The following ZFHX3 variants were observed in gnomAD, a reference collection of about 807,000 sequenced individuals.
The protein encoded by ZFHX3 is zinc finger homeobox protein 3.
A neutral mutation model predicts 279.1 loss-of-function variants in ZFHX3; 42 were observed. The ratio of observed to expected loss-of-function variants is 0.15; its 90% CI spans 0.12 to 0.19. The LOEUF is 0.19. Ranked by LOEUF, ZFHX3 falls within the 10% of genes least tolerant of loss-of-function variation. The pLI is 1.00. For missense variants in ZFHX3, 4,981 were observed against 4,754.0 expected (o/e 1.05, Z -1.40); for synonymous variants, 2,293 against 1,957.8 (o/e 1.17, Z -4.52).
At chr16:73,880,202 C>CA (rs545868290) in intron 1 of ZFHX3, among the ~76,000 whole-genome samples, 37 of 152,108 alleles carry the variant, frequency 2.4e-4, no homozygotes, top group African/African-American at 8.4e-4. Context: ...AGATTTGCCC[C>CA]AAAAAGCAAG....
chr16:73,782,570 T>C (rs1959509466), intron 1 of ZFHX3, among the ~76,000 whole-genome samples: 2 of 152,116 alleles, frequency 1.3e-5, no homozygotes, highest in Non-Finnish European at 1.5e-5. Flanking sequence ...TGAAGTGTAG[T>C]AGAAGCATGG....
At chr16:73,454,281 A>G (rs2018332972) in intron 3 of ZFHX3, among the ~76,000 whole-genome samples, 1 of 152,132 alleles carries the variant, frequency 6.6e-6, no homozygotes, top group African/African-American at 2.4e-5. Flanking sequence ...ATGACATTTT[A>G]TTCTAGAGAG....
chr16:73,333,470 A>T (rs1314449934), intron 3 of ZFHX3, among the ~76,000 whole-genome samples: 2 of 152,174 alleles, frequency 1.3e-5, no homozygotes, highest in Non-Finnish European at 2.9e-5. Flanking sequence ...AGATAAACAG[A>T]CAGAAAGAAA....
intron 9 of ZFHX3, chr16:72,790,534 CAG>C (rs953158998): frequency 6.6e-6 from 1 of 152,194 alleles, no homozygotes; most frequent in Non-Finnish European, 1.5e-5. Context: ...TCAAAACCCT[CAG>C]ATTTCAGACG....
intron 4 of ZFHX3, among the ~76,000 whole-genome samples, chr16:72,864,505 G>C (rs945480556): frequency 6.6e-6 from 1 of 152,072 alleles, no homozygotes; most frequent in Non-Finnish European, 1.5e-5. Flanking sequence ...AAGTATTCCC[G>C]GGCCACCCAA....
intron 3 of ZFHX3, among the ~76,000 whole-genome samples, chr16:73,321,724 T>C (rs1440583100): frequency 1.3e-5 from 2 of 152,206 alleles, no homozygotes; most frequent in Non-Finnish European, 2.9e-5. Context: ...TGCCTTCTTC[T>C]GCTAGATGTC....
intron 3 of ZFHX3, among the ~76,000 whole-genome samples, chr16:72,914,677 C>A (rs1015888528): frequency 6.6e-6 from 1 of 152,142 alleles, no homozygotes; most frequent in African/African-American, 2.4e-5. Context: ...GTAAGAACTG[C>A]TGCATTCTTA....
At chr16:73,082,354 G>A (rs948706147) in intron 8 of ZFHX3, among the ~76,000 whole-genome samples, 2 of 151,906 alleles carry the variant, frequency 1.3e-5, no homozygotes, top group Non-Finnish European at 2.9e-5. Flanking sequence ...TGCAAGCTCC[G>A]CCTCCTGGGT....
chr16:73,265,906 A>C (rs1256635050), intron 4 of ZFHX3, among the ~76,000 whole-genome samples: 2 of 152,214 alleles, frequency 1.3e-5, no homozygotes, highest in East Asian at 3.8e-4. Context: ...GAATAAGGAA[A>C]ATGTAAACAG....
chr16:73,707,751 T>A (rs2142223044), intron 1 of ZFHX3, among the ~76,000 whole-genome samples: 1 of 94,902 alleles, frequency 1.1e-5, no homozygotes, highest in Middle Eastern at 6.6e-3. Flanking sequence ...AATAATAAAA[T>A]TTAAAAAAAA....
chr16:73,427,800 G>A (rs2143507529), intron 3 of ZFHX3, among the ~76,000 whole-genome samples: 1 of 152,124 alleles, frequency 6.6e-6, no homozygotes, highest in South Asian at 2.1e-4. Flanking sequence ...AAAATTAGCT[G>A]GGCGTGGTGG....
chr16:73,309,059 T>C (rs1043361945), intron 4 of ZFHX3, among the ~76,000 whole-genome samples: 2 of 152,086 alleles, frequency 1.3e-5, no homozygotes, highest in Non-Finnish European at 2.9e-5. Flanking sequence ...CTATGAAGTT[T>C]ACTATTTTTT....
intron 2 of ZFHX3, among the ~76,000 whole-genome samples, chr16:73,582,223 T>G (rs2143826044): frequency 6.6e-6 from 1 of 151,794 alleles, no homozygotes; most frequent in African/African-American, 2.4e-5. Context: ...GGCAAGAGTA[T>G]TTTCCCTAAA....
intron 1 of ZFHX3, among the ~76,000 whole-genome samples, chr16:72,982,103 G>C (rs1962630474): frequency 6.6e-6 from 1 of 151,962 alleles, no homozygotes; most frequent in East Asian, 1.9e-4. Flanking sequence ...GGCTGGTCTT[G>C]AACTCCTGAC....
chr16:72,888,102 A>G (rs1350030583), intron 4 of ZFHX3, among the ~76,000 whole-genome samples: 4 of 152,200 alleles, frequency 2.6e-5, no homozygotes, highest in African/African-American at 4.8e-5. Flanking sequence ...ATAAGTAACA[A>G]AAGAAATATC....
At chr16:73,549,456 T>C (rs944467598) in intron 2 of ZFHX3, among the ~76,000 whole-genome samples, 3 of 152,168 alleles carry the variant, frequency 2.0e-5, no homozygotes, top group African/African-American at 4.8e-5. Flanking sequence ...TATTTACGTT[T>C]TTCTATCTTC....
intron 7 of ZFHX3, among the ~76,000 whole-genome samples, chr16:73,117,323 A>G (rs1216383306): frequency 6.6e-6 from 1 of 152,234 alleles, no homozygotes; most frequent in East Asian, 1.9e-4. Flanking sequence ...ATTTAGTTAT[A>G]CATAAATACA....
intron 3 of ZFHX3, among the ~76,000 whole-genome samples, chr16:72,934,554 C>A (rs971502328): frequency 6.6e-6 from 1 of 152,178 alleles, no homozygotes; most frequent in African/African-American, 2.4e-5. Context: ...CTGTCTAGTT[C>A]ACCTTTCTAT....
At chr16:73,695,277 C>A (rs2053187465) in intron 1 of ZFHX3, among the ~76,000 whole-genome samples, 1 of 143,332 alleles carries the variant, frequency 7.0e-6, no homozygotes, top group Non-Finnish European at 1.5e-5. Flanking sequence ...TCCTCTGTAG[C>A]CAGGCTGGAG....
Sources: gnomAD v4.1 joint callset for allele counts (sites outside exome capture counted in the v4.1 genomes callset) on GRCh38, gnomAD v4.1.1 for gene constraint, MANE v1.5 for transcripts, NCBI Gene and HGNC (gene_info 2026-07-23, HGNC 2026-07-21) for gene names.